Variants in MANBA observed in about 807,000 individuals in gnomAD.
The protein encoded by MANBA is mannosidase beta.
In MANBA, 83 loss-of-function variants were observed where a neutral mutation model predicts 111.1. The observed-to-expected ratio is 0.75, with a 90% CI of 0.63 to 0.90. MANBA has a LOEUF of 0.90. MANBA is among the 40% of genes least tolerant of loss of function. MANBA has a pLI of 0.00. For synonymous variants in MANBA, 370 were observed against 378.7 expected (o/e 0.98, Z 0.27); for missense variants, 1,036 against 1,069.0 (o/e 0.97, Z 0.43).
chr4:102,699,861 T>C (rs992199037), intron 5 of MANBA, among the ~76,000 whole-genome samples: 13 of 151,008 alleles, frequency 8.6e-5, no homozygotes, highest in South Asian at 2.1e-4. Flanking sequence ...ATCAGGATGA[T>C]GCTGGCCTCA....
Position 102,671,264 on chromosome 4 carries a change from T to G in MANBA, c.1230+17A>C. 6.4e-6 allele frequency: 9 copies of G among 1,412,570 alleles called. No individual in the cohort carries two copies. Among genetic ancestry groups the G allele is most frequent in the Non-Finnish European group, 7.0e-6 (7 of 996,638 alleles). The allele number at this position is 1,412,570 out of a possible 1,614,324, so 87.5% of individuals were successfully genotyped here. ...TATAGTAACTTATCAATATATAAAA[T>G]GCTATCAACTTCTCACCATTATTCC... is the stretch of plus-strand genomic sequence containing the variant. On this transcript the variant is annotated intron_variant, in intron 9 of 16. Coordinates refer to ENST00000647097, the MANE Select transcript of MANBA (RefSeq NM_005908.4).
chr4:102,701,588 G>A (rs1015243972), intron 5 of MANBA, among the ~76,000 whole-genome samples: 5 of 151,102 alleles, frequency 3.3e-5, no homozygotes, highest in African/African-American at 1.2e-4. Context: ...TTGCTTGTCT[G>A]TAAAGGATTT....
At chr4:102,650,977 G>T in intron 12 of MANBA, 3 of 356,834 alleles carry the variant, frequency 8.4e-6, no homozygotes, top group Non-Finnish European at 1.5e-5. Context: ...TAAGACTCTT[G>T]TTTTATCAAA....
Position 102,726,674 on chromosome 4 carries a change from A to G in MANBA, c.187T>C (p.Tyr63His). Residue 63 changes from tyrosine (Y) to histidine (H), a missense_variant, in exon 2 of 17, where the codon TAC becomes CAC. Physicochemically the swap from Tyr to His is moderately conservative, Grantham distance 83. Transcript: ENST00000647097. The part of the protein sequence containing the change: ...FQQGLIQDSY[Y>H]RFNDLNYRWV... ...CTGTAGTTAAGGTCATTAAATCTGT[A>G]GTAAGAATCCTGTTGATACAAGGTA... The G allele has an allele frequency of 6.6e-7, 1 of 1,520,564 alleles. No individual in the cohort carries two copies. Among genetic ancestry groups the G allele is most frequent in the Non-Finnish European group, 9.1e-7 (1 of 1,095,538 alleles). 94.2% of individuals were successfully genotyped at this position (1,520,564 alleles called of 1,614,324 possible). A position where few individuals can be genotyped will look rare whatever the true frequency, so the allele number is the denominator to read the frequency against.
Position 102,635,908 on chromosome 4 carries a change from T to C in MANBA, c.2114A>G (p.Tyr705Cys), listed in dbSNP as rs765424612. The change falls in exon 15 of 17, where the codon TAT becomes TGT. Residue 705 changes from tyrosine (Y) to cysteine (C), a missense_variant. Coordinates refer to ENST00000647097, the MANE Select transcript of MANBA (RefSeq NM_005908.4). Reference protein sequence around the residue: ...GFENENTFYIYGVSDLHSDYS... With the variant: ...GFENENTFYICGVSDLHSDYS... ...ATCCGAGTGAAGATCTGACACACCA[T>C]AGATATAGAACGTGTTTTCATTCTC... 4.3e-6 allele frequency: 7 copies of C among 1,611,638 alleles called. No homozygotes were observed. The Admixed American group carries it at 6.7e-5, about 15-fold the overall frequency.
intron 2 of MANBA, among the ~76,000 whole-genome samples, chr4:102,725,006 T>G: frequency 6.6e-6 from 1 of 152,192 alleles, no homozygotes; most frequent in East Asian, 1.9e-4. Flanking sequence ...ATTCCATTTA[T>G]ATGAGGTATC....
intron 12 of MANBA, among the ~76,000 whole-genome samples, chr4:102,653,300 T>A (rs1159145674): frequency 6.6e-6 from 1 of 150,996 alleles, no homozygotes; most frequent in Non-Finnish European, 1.5e-5. Context: ...AATTTACAGA[T>A]GAGGAAACTG....
chr4:102,713,571 T>C lies in MANBA; in HGVS notation c.673+867A>G, dbSNP rs73836838. ...TTCAATGCTCCTTGATATTGAATAGTTGCTTCAACTTAAAAAGTACTATTT... is the reference window on the plus strand; with the variant it reads ...TTCAATGCTCCTTGATATTGAATAGCTGCTTCAACTTAAAAAGTACTATTT... On this transcript the variant is annotated intron_variant, in intron 5 of 16. Coordinates refer to ENST00000647097, the MANE Select transcript of MANBA (RefSeq NM_005908.4). Among the ~76,000 whole-genome samples the C allele has an allele frequency of 9.1e-3, 1,387 of 152,320 alleles. 28 individuals carry two copies. The highest frequency in any genetic ancestry group is 0.032 in the African/African-American group (1,317 of 41,566).
chr4:102,760,314 T>C (rs1448408494), intron 1 of MANBA, among the ~76,000 whole-genome samples: 1 of 152,182 alleles, frequency 6.6e-6, no homozygotes, highest in Non-Finnish European at 1.5e-5. Flanking sequence ...TCAATAGAGT[T>C]AACCCTTACT....
At chr4:102,664,640 A>G (rs918223249) in intron 11 of MANBA, 45 bp downstream of exon 11, 16 of 1,555,790 alleles carry the variant, frequency 1.0e-5, no homozygotes, top group African/African-American at 5.4e-5. Flanking sequence ...GCCCAGCCCT[A>G]AAGATACATT....
At chr4:102,733,777 A>G (rs1723112831) in intron 1 of MANBA, among the ~76,000 whole-genome samples, 1 of 152,190 alleles carries the variant, frequency 6.6e-6, no homozygotes. Flanking sequence ...CTATTCTTCC[A>G]TGGCCCCATG....
chr4:102,678,117 C>T (rs769543559), intron 7 of MANBA, among the ~76,000 whole-genome samples: 1 of 152,048 alleles, frequency 6.6e-6, no homozygotes, highest in Non-Finnish European at 1.5e-5. Context: ...ATTGTATTAA[C>T]TATACAACAT....
intron 16 of MANBA, chr4:102,633,146 C>T: frequency 2.5e-6 from 1 of 395,442 alleles, no homozygotes; most frequent in East Asian, 3.6e-5. Context: ...CACAAGGAAA[C>T]CTATATTGAT....
At position 102,689,798 on chromosome 4, in the gene MANBA, A is replaced by G. The variant is rs1732395517; in HGVS notation, c.850-114T>C. On this transcript the variant is annotated intron_variant, in intron 6 of 16. Coordinates refer to ENST00000647097, the MANE Select transcript of MANBA (RefSeq NM_005908.4). ...GTACAAAACTCTAGGTTCTAAAACA[A>G]TGTAAGTCTCCCCACCTATATTATG... 3 of 701,854 alleles carry G rather than the reference A, an allele frequency of 4.3e-6. No individual in the cohort carries two copies. The South Asian group carries it at 4.7e-5, about 11-fold the overall frequency. 43.5% of individuals were successfully genotyped at this position (701,854 alleles called of 1,614,324 possible).
intron 13 of MANBA, among the ~76,000 whole-genome samples, chr4:102,641,045 A>G (rs1312880484): frequency 1.3e-5 from 2 of 152,248 alleles, no homozygotes; most frequent in Non-Finnish European, 2.9e-5. Context: ...GAATCACAGA[A>G]AGATACGTAA....
At chr4:102,696,565 GA>G (rs1274753797) in intron 5 of MANBA, among the ~76,000 whole-genome samples, 3 of 152,146 alleles carry the variant, frequency 2.0e-5, no homozygotes, top group Non-Finnish European at 4.4e-5. Flanking sequence ...ATGGCATCAG[GA>G]ACCATAAGGA....
chr4:102,669,714 C>T (rs1168869763), intron 9 of MANBA, among the ~76,000 whole-genome samples: 1 of 152,146 alleles, frequency 6.6e-6, no homozygotes, highest in Non-Finnish European at 1.5e-5. Flanking sequence ...GGCACGGTGG[C>T]TCACGCCTGT....
chr4:102,671,809 C>G, intron 8 of MANBA: 1 of 417,704 alleles, frequency 2.4e-6, no homozygotes, highest in Non-Finnish European at 4.2e-6. Flanking sequence ...TTTCTCCAGC[C>G]CAGTATTTCT....
At chr4:102,641,592 A>G (rs1338222379) in intron 13 of MANBA, among the ~76,000 whole-genome samples, 3 of 152,262 alleles carry the variant, frequency 2.0e-5, no homozygotes, top group African/African-American at 7.2e-5. Flanking sequence ...GCTGGAAAAA[A>G]TGTTCTAAAG....
Sources: allele counts gnomAD v4.1 joint callset (sites outside exome capture counted in the v4.1 genomes callset), GRCh38; gene constraint gnomAD v4.1.1; transcripts MANE v1.5; gene names NCBI Gene and HGNC (gene_info 2026-07-23, HGNC 2026-07-21).